Variants in TMCO5A observed in about 807,000 individuals in gnomAD.
TMCO5A encodes the protein transmembrane and coiled-coil domains 5A, also known as transmembrane and coiled-coil domain-containing protein 5A.
In TMCO5A, 34 loss-of-function variants were observed where a neutral mutation model predicts 42.3. That is an observed-to-expected ratio of 0.80 (90% confidence interval 0.61 to 1.07). TMCO5A has a LOEUF of 1.07. Ranked by LOEUF, TMCO5A falls within the 50% of genes least tolerant of loss-of-function variation. The probability of loss-of-function intolerance (pLI) is 0.00; values close to 1 mark genes in which losing one functional copy is unlikely to be tolerated. For synonymous variants in TMCO5A, 131 were observed against 115.6 expected, an observed-to-expected ratio of 1.13 and a Z score of -0.86; for missense variants, 357 against 327.9, an observed-to-expected ratio of 1.09 and a Z score of -0.69.
chr15:37,936,116 C>A, intron 2 of TMCO5A, 198 bp from the exon 3 acceptor site: 1 of 489,622 alleles, frequency 2.0e-6, no homozygotes, highest in South Asian at 4.5e-5. Context: ...TGGGAAAGAC[C>A]CTTGCTGACT....
At chr15:37,937,585 T>C (rs1283664244) in intron 5 of TMCO5A, among the ~76,000 whole-genome samples, 189 bp downstream of exon 5, 1 of 152,068 alleles carries the variant, frequency 6.6e-6, no homozygotes, top group East Asian at 1.9e-4. Context: ...ATTTTCTCTG[T>C]AGGCAAGAGG....
At chr15:38,002,384 G>A in the TMCO5A span, among the ~76,000 whole-genome samples, 3 of 151,840 alleles carry the variant, frequency 2.0e-5, no homozygotes, top group Admixed American at 2.0e-4. Context: ...CTAGGTTTGG[G>A]AAGTTCTGTT....
the TMCO5A span, among the ~76,000 whole-genome samples, chr15:37,998,361 TC>T: frequency 7.2e-5 from 11 of 152,226 alleles, no homozygotes; most frequent in African/African-American, 2.7e-4. Context: ...TAATCCATTT[TC>T]ATTTGATTTT....
the TMCO5A span, among the ~76,000 whole-genome samples, chr15:38,014,584 T>C: frequency 3.7e-4 from 56 of 152,082 alleles, no homozygotes; most frequent in African/African-American, 1.3e-3. Context: ...GTTAGAGGGA[T>C]TTCTGAATTG....
chr15:37,981,200 C>CAAA, the TMCO5A span, among the ~76,000 whole-genome samples: 354 of 64,650 alleles, frequency 5.5e-3, 3 homozygotes, highest in Non-Finnish European at 6.4e-3. Flanking sequence ...AGAAAGCCAG[C>CAAA]AAAAAAAAAA....
the TMCO5A span, among the ~76,000 whole-genome samples, chr15:37,974,131 A>T: frequency 6.6e-6 from 1 of 152,026 alleles, no homozygotes; most frequent in African/African-American, 2.4e-5. Flanking sequence ...GTGGTTGATT[A>T]TTTTTTTGAT....
chr15:37,968,203 G>A (rs1566925861), downstream of TMCO5A, among the ~76,000 whole-genome samples: 1 of 152,062 alleles, frequency 6.6e-6, no homozygotes, highest in Non-Finnish European at 1.5e-5. Context: ...ACTCTGCCCT[G>A]TGCTCCAAGG....
downstream of TMCO5A, among the ~76,000 whole-genome samples, chr15:37,954,402 T>G (rs1890233676): frequency 6.6e-6 from 1 of 152,120 alleles, no homozygotes; most frequent in Non-Finnish European, 1.5e-5. Flanking sequence ...TGCCATGATA[T>G]ATTTGAAATG....
At position 37,951,386 on chromosome 15, in the gene TMCO5A, A is replaced by C; in HGVS notation, c.*152A>C. The C allele has an allele frequency of 1.5e-6, 1 of 680,874 alleles. No individual in the cohort carries two copies. 42.2% of individuals were successfully genotyped at this position (680,874 alleles called of 1,614,324 possible). On this transcript the variant is annotated 3_prime_UTR_variant, in exon 12 of 12. Transcript: ENST00000319669. Reference sequence around the variant, plus strand: ...CCTTCTGTCACCACGTCATCTTTCCAGGATTAACCTTGACCAGTAAAAAGC... The same window carrying C: ...CCTTCTGTCACCACGTCATCTTTCCCGGATTAACCTTGACCAGTAAAAAGC...
chr15:37,947,839 T>C (rs1451928699), intron 11 of TMCO5A, 143 bp downstream of exon 11: 1 of 543,596 alleles, frequency 1.8e-6, no homozygotes, highest in Non-Finnish European at 3.2e-6. Flanking sequence ...AGCAAACTAA[T>C]GTCTTTGACT....
At chr15:37,972,167 A>G (rs111288138), downstream of TMCO5A, among the ~76,000 whole-genome samples, 3,647 of 152,302 alleles carry the variant, frequency 0.024, 148 homozygotes, top group African/African-American at 0.083. Flanking sequence ...TCACAATTAC[A>G]GCAGAAGGCC....
chr15:38,036,954 C>A, the TMCO5A span, among the ~76,000 whole-genome samples: 15 of 152,122 alleles, frequency 9.9e-5, no homozygotes, highest in Non-Finnish European at 1.6e-4. Flanking sequence ...AAACTAAGAA[C>A]AACTGGGGTA....
At chr15:37,946,458 G>A (rs1225562712) in intron 10 of TMCO5A, among the ~76,000 whole-genome samples, 9 of 152,016 alleles carry the variant, frequency 5.9e-5, no homozygotes, top group African/African-American at 1.7e-4. Context: ...TGGACAGTAT[G>A]GCCATTTTCA....
downstream of TMCO5A, among the ~76,000 whole-genome samples, chr15:37,955,961 A>G (rs549620954): frequency 7.7e-4 from 118 of 152,318 alleles, no homozygotes; most frequent in Non-Finnish European, 1.6e-3. Flanking sequence ...CCACACAACT[A>G]CACGGAAACT....
At chr15:37,965,297 G>A (rs1404075206) in intron 11 of TMCO5A, among the ~76,000 whole-genome samples, 2 of 152,090 alleles carry the variant, frequency 1.3e-5, no homozygotes, top group African/African-American at 4.8e-5. Flanking sequence ...TAAGACCTCA[G>A]CCTATGAAAC....
the TMCO5A span, among the ~76,000 whole-genome samples, chr15:38,038,944 T>C: frequency 1.3e-5 from 2 of 152,160 alleles, no homozygotes; most frequent in African/African-American, 4.8e-5. Flanking sequence ...ACCAAGGAAG[T>C]GGAGGACATT....
intron 11 of TMCO5A, among the ~76,000 whole-genome samples, chr15:37,949,392 C>A (rs1044101315): frequency 6.6e-6 from 1 of 152,012 alleles, no homozygotes; most frequent in Non-Finnish European, 1.5e-5. Context: ...TCAAGAATAA[C>A]CTGGACAGTT....
chr15:37,947,634 T>A (rs773335150), intron 10 of TMCO5A, 22 bp from the exon 11 acceptor site: 2 of 1,557,752 alleles, frequency 1.3e-6, no homozygotes, highest in Admixed American at 3.4e-5. Context: ...TGCTTATTTA[T>A]CAATATCCTT....
At chr15:38,004,328 A>G in the TMCO5A span, among the ~76,000 whole-genome samples, 6 of 152,012 alleles carry the variant, frequency 3.9e-5, no homozygotes, top group African/African-American at 1.2e-4. Flanking sequence ...CCTCAAGCAG[A>G]AGGAAGAAGT....
Sources: gnomAD v4.1 joint callset for allele counts (sites outside exome capture counted in the v4.1 genomes callset) on GRCh38, gnomAD v4.1.1 for gene constraint, MANE v1.5 for transcripts, NCBI Gene and HGNC (gene_info 2026-07-23, HGNC 2026-07-21) for gene names.